CUL3: variants seen among roughly 807,000 people sequenced by gnomAD.
CUL3 encodes cullin 3, also known as cullin-3.
CUL3 carries 19 observed loss-of-function variants against 89.1 expected under a neutral mutation model. The ratio of observed to expected loss-of-function variants is 0.21; its 90% CI spans 0.15 to 0.31. The LOEUF (loss-of-function observed/expected upper bound fraction) is 0.31, where lower values mean the gene tolerates loss of function less well. CUL3 is among the 10% of genes least tolerant of loss of function. CUL3 has a pLI of 1.00. For synonymous variants in CUL3, 351 were observed against 308.4 expected, an observed-to-expected ratio of 1.14 and a Z score of -1.45; for missense variants, 469 against 942.3, an observed-to-expected ratio of 0.50 and a Z score of 6.58.
At chr2:224,496,028 T>A in intron 12 of CUL3, 62 bp from the exon 13 acceptor site, 1 of 1,525,174 alleles carries the variant, frequency 6.6e-7, no homozygotes, top group Non-Finnish European at 9.0e-7. Flanking sequence ...CATTAATGTA[T>A]GTATGTACGT....
intron 12 of CUL3, 56 bp from the exon 13 acceptor site, chr2:224,496,022 AATGT>A: frequency 6.3e-7 from 1 of 1,576,538 alleles, no homozygotes; most frequent in Non-Finnish European, 8.7e-7. Context: ...TGGTAACATT[AATGT>A]ATGTATGTAC....
chr2:224,484,522 CCTAGT>C lies in CUL3; in HGVS notation c.1843-2449_1843-2445del, dbSNP rs199943418. ...AATTTTTATGTTATAAGTAATTTCTCCTAGTCTATTTTTAACTTAATGTATCTCAT... is the reference window on the plus strand; with the variant it reads ...AATTTTTATGTTATAAGTAATTTCTCCTATTTTTAACTTAATGTATCTCAT... On this transcript the variant is annotated intron_variant, in intron 13 of 15. Transcript: ENST00000264414. Among the ~76,000 whole-genome samples, 659 of 152,082 alleles carry C rather than the reference CCTAGT, an allele frequency of 4.3e-3. 21 individuals are homozygous for C. The highest frequency in any genetic ancestry group is 0.039 in the Admixed American group (594 of 15,274).
intron 1 of CUL3, among the ~76,000 whole-genome samples, chr2:224,558,174 T>C (rs565510635): frequency 1.3e-5 from 2 of 152,088 alleles, no homozygotes; most frequent in South Asian, 2.1e-4. Context: ...CCCTTATCTC[T>C]CTCCCACCAA....
intron 2 of CUL3, among the ~76,000 whole-genome samples, chr2:224,546,055 G>A (rs187161987): frequency 6.6e-6 from 1 of 152,196 alleles, no homozygotes; most frequent in Admixed American, 6.5e-5. Flanking sequence ...TTTACTTACT[G>A]GTTGGAAAGG....
chr2:224,508,823 G>A (rs1191865452), intron 6 of CUL3, among the ~76,000 whole-genome samples: 3 of 151,928 alleles, frequency 2.0e-5, no homozygotes, highest in African/African-American at 4.8e-5. Context: ...TTAGCCGGGC[G>A]TGGTGGCGGG....
intron 1 of CUL3, among the ~76,000 whole-genome samples, chr2:224,583,384 TATACAACTATTAACTTC>T (rs1695488576): frequency 1.3e-5 from 2 of 152,142 alleles, no homozygotes; most frequent in African/African-American, 4.8e-5. Flanking sequence ...AAATCTGTTG[TATACAACTATTAACTTC>T]ATAAAATTCT....
At chr2:224,544,957 T>C (rs943698244) in intron 2 of CUL3, among the ~76,000 whole-genome samples, 1 of 152,118 alleles carries the variant, frequency 6.6e-6, no homozygotes, top group African/African-American at 2.4e-5. Context: ...GGACACTTGC[T>C]TTCCTTTCCT....
At chr2:224,557,879 G>GAAAAAAAAAAAA in intron 1 of CUL3, 23 bp from the exon 2 acceptor site, 18 of 75,152 alleles carry the variant, frequency 2.4e-4, no homozygotes, top group Admixed American at 1.0e-3. Context: ...AGAGAGAGAA[G>GAAAAAAAAAAAA]AGACAAAAAA....
At chr2:224,565,577 C>T (rs965148519) in intron 1 of CUL3, among the ~76,000 whole-genome samples, 5 of 152,200 alleles carry the variant, frequency 3.3e-5, no homozygotes, top group African/African-American at 9.7e-5. Context: ...CATCATAAAA[C>T]AGTCCATGTC....
At position 224,470,870 on chromosome 2, in the gene CUL3, G is replaced by A. The variant is rs1267999376; in HGVS notation, c.*3375C>T. ...AAAATAAATGAAAATTTTTTAATAT[G>A]GAAAATCATGTCAATTTGTAACATG... is the stretch of plus-strand genomic sequence containing the variant. On this transcript the variant is annotated 3_prime_UTR_variant, in exon 16 of 16. Transcript: ENST00000264414. The A allele has an allele frequency of 4.4e-6, 1 of 229,708 alleles. No homozygotes were observed. The highest frequency in any genetic ancestry group is 8.6e-6 in the Non-Finnish European group (1 of 116,004). The allele number at this position is 229,708 out of a possible 1,614,324, so 14.2% of individuals were successfully genotyped here.
intron 5 of CUL3, among the ~76,000 whole-genome samples, chr2:224,512,706 A>T (rs986938071): frequency 1.3e-5 from 2 of 152,220 alleles, no homozygotes; most frequent in Admixed American, 1.3e-4. Flanking sequence ...AATCATCCAT[A>T]TCCTTATGTG....
chr2:224,498,992 A>G (rs6744597), intron 11 of CUL3, among the ~76,000 whole-genome samples: 28,111 of 152,126 alleles, frequency 0.18, 2,944 homozygotes, highest in South Asian at 0.27. Context: ...TAGTTACTTC[A>G]CCTTACAAAG....
rs2106151315 is a variant in CUL3 at position 224,481,913 on chromosome 2, G to T, written c.2008C>A (p.His670Asn). ...TVNDQFTSKL[H>N]RVKIQTVAAK... ...ATACCTGTTTGAATCTTGACTCTGT[G>T]TAGTTTGGATGTGAATTGATCATTA... The change falls in exon 14 of 16, where the codon CAC becomes AAC. Residue 670 changes from histidine (H) to asparagine (N), a missense_variant. Around this residue, in one of 4 missense-constraint regions of CUL3, gnomAD observed 65 missense variants for 147.8 expected, o/e 0.44. Transcript: ENST00000264414. 6.4e-7 allele frequency: 1 copy of T among 1,567,502 alleles called. No individual in the cohort carries two copies. The highest frequency in any genetic ancestry group is 1.9e-5 in the Admixed American group (1 of 53,450).
At chr2:224,547,621 A>G (rs564428267) in intron 2 of CUL3, among the ~76,000 whole-genome samples, 34 of 152,228 alleles carry the variant, frequency 2.2e-4, no homozygotes, top group African/African-American at 8.2e-4. Context: ...AACATAGGAG[A>G]AACTCAATCT....
intron 13 of CUL3, among the ~76,000 whole-genome samples, chr2:224,492,653 G>GA (rs1692029557): frequency 6.6e-6 from 1 of 152,060 alleles, no homozygotes; most frequent in Non-Finnish European, 1.5e-5. Context: ...AACATGAAAA[G>GA]AAAAAACCTC....
intron 6 of CUL3, among the ~76,000 whole-genome samples, chr2:224,511,118 T>C (rs1692809988): frequency 6.6e-6 from 1 of 152,178 alleles, no homozygotes; most frequent in Non-Finnish European, 1.5e-5. Flanking sequence ...CTGGATTAAA[T>C]GTAAAATGAG....
At chr2:224,513,109 G>T (rs1472606712) in intron 5 of CUL3, among the ~76,000 whole-genome samples, 2 of 152,068 alleles carry the variant, frequency 1.3e-5, no homozygotes, top group African/African-American at 4.8e-5. Context: ...TTACTTTATT[G>T]TAAGAGTACA....
chr2:224,553,229 T>A (rs1574688030), intron 2 of CUL3, among the ~76,000 whole-genome samples: 1 of 152,154 alleles, frequency 6.6e-6, no homozygotes, highest in East Asian at 1.9e-4. Flanking sequence ...GGAGTAAACA[T>A]GAAAACAAAA....
Position 224,485,876 on chromosome 2 carries a change from G to A in CUL3, c.1843-3798C>T, listed in dbSNP as rs944388242. Among the ~76,000 whole-genome samples, 27 of 152,302 alleles carry A rather than the reference G, an allele frequency of 1.8e-4. No individual in the cohort carries two copies. The highest frequency in any genetic ancestry group is 6.5e-4 in the African/African-American group (27 of 41,572). ...ACAGGAGAGCTCCGGCTGGCATCTGGCAGGTGCCCCTCTGGGACAAAGCTT... is the reference window on the plus strand; with the variant it reads ...ACAGGAGAGCTCCGGCTGGCATCTGACAGGTGCCCCTCTGGGACAAAGCTT... On this transcript the variant is annotated intron_variant, in intron 13 of 15. Coordinates refer to ENST00000264414, the MANE Select transcript of CUL3 (RefSeq NM_003590.5). This position sits in a 1 kb window ranked among gnomAD's most constrained non-coding sequence, Gnocchi z 4.1.
Sources: allele counts gnomAD v4.1 joint callset (sites outside exome capture counted in the v4.1 genomes callset), GRCh38; gene constraint gnomAD v4.1.1; regional missense constraint gnomAD v4.1.1; non-coding constraint Gnocchi (gnomAD v3.1); transcripts MANE v1.5; gene names NCBI Gene and HGNC (gene_info 2026-07-23, HGNC 2026-07-21).